PTPRT: variants seen among roughly 807,000 people sequenced by gnomAD.
PTPRT encodes receptor-type tyrosine-protein phosphatase T.
A neutral mutation model predicts 176.8 loss-of-function variants in PTPRT; 56 were observed. The ratio of observed to expected loss-of-function variants is 0.32; its 90% CI spans 0.26 to 0.40. PTPRT has a LOEUF of 0.40. Ranked by LOEUF, PTPRT falls within the 10% of genes least tolerant of loss-of-function variation. The probability of loss-of-function intolerance (pLI) is 1.00; values close to 1 mark genes in which losing one functional copy is unlikely to be tolerated. For synonymous variants in PTPRT, 783 were observed against 739.0 expected (o/e 1.06, Z -0.96); for missense variants, 1,540 against 1,908.2 (o/e 0.81, Z 3.60).
At chr20:42,380,061 A>G (rs186889804) in intron 9 of PTPRT, among the ~76,000 whole-genome samples, 2 of 152,186 alleles carry the variant, frequency 1.3e-5, no homozygotes, top group Admixed American at 6.5e-5. Flanking sequence ...CCCAAGGCCT[A>G]TAGAGTAAAC....
At position 43,026,419 on chromosome 20, in the gene PTPRT, G is replaced by T. The variant is rs541232561; in HGVS notation, c.89-140487C>A. ...GTGTTAGCCACCGAAGCCCAGCCTA[G>T]AGATAGAATTTTTCTAATTTTTAAT... On this transcript the variant is annotated intron_variant, in intron 1 of 30. Coordinates refer to ENST00000373187, the MANE Select transcript of PTPRT (RefSeq NM_007050.6). Among the ~76,000 whole-genome samples the T allele has an allele frequency of 2.6e-5, 4 of 152,138 alleles. No individual in the cohort carries two copies. The South Asian group carries it at 8.3e-4, about 32-fold the overall frequency.
intron 7 of PTPRT, among the ~76,000 whole-genome samples, chr20:42,576,103 G>C (rs553322239): frequency 3.9e-5 from 6 of 152,198 alleles, no homozygotes; most frequent in African/African-American, 1.4e-4. Flanking sequence ...ATTACACTAC[G>C]ATCCAGCTGG....
At chr20:42,219,622 G>A (rs1192652624) in intron 15 of PTPRT, among the ~76,000 whole-genome samples, 1 of 152,250 alleles carries the variant, frequency 6.6e-6, no homozygotes, top group Non-Finnish European at 1.5e-5. Context: ...CTGAGTGCTT[G>A]CTGGGTGCCA....
intron 7 of PTPRT, among the ~76,000 whole-genome samples, chr20:42,664,797 T>A (rs1305088219): frequency 6.6e-6 from 1 of 152,060 alleles, no homozygotes; most frequent in Middle Eastern, 3.2e-3. Flanking sequence ...ATGCCACATA[T>A]CTACAACTAT....
chr20:43,067,807 T>C (rs1259438266), intron 1 of PTPRT, among the ~76,000 whole-genome samples: 8 of 149,488 alleles, frequency 5.4e-5, no homozygotes, highest in Non-Finnish European at 1.2e-4. Flanking sequence ...TACATAAAAC[T>C]TTTTAAAAAA....
intron 7 of PTPRT, among the ~76,000 whole-genome samples, chr20:42,540,380 A>T (rs976904961): frequency 1.3e-5 from 2 of 152,156 alleles, no homozygotes; most frequent in African/African-American, 4.8e-5. Flanking sequence ...TGCACCTCCA[A>T]GACAAGGCAG....
chr20:42,452,021 A>G (rs1274713803), intron 8 of PTPRT, among the ~76,000 whole-genome samples: 1 of 152,222 alleles, frequency 6.6e-6, no homozygotes, highest in East Asian at 1.9e-4. Context: ...CTATAATCCC[A>G]GCACTTTGAG....
chr20:42,526,580 G>A (rs1055123256), intron 7 of PTPRT, among the ~76,000 whole-genome samples: 1 of 151,844 alleles, frequency 6.6e-6, no homozygotes, highest in East Asian at 1.9e-4. Context: ...TGATAAATTT[G>A]GTCCCAGTTT....
At chr20:42,123,461 A>G (rs1388878993) in intron 19 of PTPRT, among the ~76,000 whole-genome samples, 1 of 152,198 alleles carries the variant, frequency 6.6e-6, no homozygotes, top group Non-Finnish European at 1.5e-5. Flanking sequence ...AAGGCTACTA[A>G]TGGGAAGATG....
chr20:42,046,514 G>A, the PTPRT span, among the ~76,000 whole-genome samples: 3 of 152,198 alleles, frequency 2.0e-5, no homozygotes, highest in Non-Finnish European at 4.4e-5. Flanking sequence ...CCCAGGGCAG[G>A]AAGGAGCAGC....
intron 7 of PTPRT, among the ~76,000 whole-genome samples, chr20:42,629,993 T>C (rs190066945): frequency 6.6e-6 from 1 of 152,338 alleles, no homozygotes; most frequent in African/African-American, 2.4e-5. Flanking sequence ...CCTGTGAATA[T>C]GTTACCTTAC....
chr20:42,729,424 C>T (rs1385830662), intron 6 of PTPRT, among the ~76,000 whole-genome samples: 1 of 152,226 alleles, frequency 6.6e-6, no homozygotes, highest in Admixed American at 6.5e-5. Context: ...TTCTTTTCCA[C>T]TTGCCCGTGG....
intron 9 of PTPRT, among the ~76,000 whole-genome samples, chr20:42,407,753 AACTT>A (rs2058975504): frequency 1.3e-5 from 2 of 152,164 alleles, no homozygotes; most frequent in Non-Finnish European, 2.9e-5. Context: ...TGTGACTCTA[AACTT>A]AAAAAACTTG....
At chr20:42,462,381 G>A (rs1467705735) in intron 8 of PTPRT, among the ~76,000 whole-genome samples, 1 of 152,176 alleles carries the variant, frequency 6.6e-6, no homozygotes, top group Non-Finnish European at 1.5e-5. Context: ...CAGCAGCTAC[G>A]GAAGGAAAGA....
intron 16 of PTPRT, among the ~76,000 whole-genome samples, chr20:42,176,661 A>T (rs976610155): frequency 6.6e-6 from 1 of 152,238 alleles, no homozygotes; most frequent in South Asian, 2.1e-4. Context: ...TCTATCTCTC[A>T]TTCATAAAAA....
rs923124073 is a variant in PTPRT at position 42,118,585 on chromosome 20, T to G, written c.2885-85A>C. 4 of 1,109,564 alleles carry G rather than the reference T, an allele frequency of 3.6e-6. No individual in the cohort carries two copies. In the Admixed American group the frequency reaches 8.2e-5, roughly 23 times the overall value. The allele number at this position is 1,109,564 out of a possible 1,614,324, so 68.7% of individuals were successfully genotyped here. ...GTTTGTCCCCCCGGTTGGTCAAGTC[T>G]CCACACTGGTGAGCAGGAGTGAGGC... On this transcript the variant is annotated intron_variant, in intron 20 of 30. Transcript: ENST00000373187.
chr20:42,554,645 G>A (rs868700590), intron 7 of PTPRT, among the ~76,000 whole-genome samples: 8 of 152,080 alleles, frequency 5.3e-5, no homozygotes, highest in East Asian at 3.8e-4. Flanking sequence ...GGAACCACTC[G>A]CATTTTTGAT....
chr20:42,756,444 C>T lies in PTPRT; in HGVS notation c.859+18G>A. The T allele has an allele frequency of 6.6e-7, 1 of 1,515,250 alleles. No homozygotes were observed. The highest frequency in any genetic ancestry group is 8.9e-7 in the Non-Finnish European group (1 of 1,126,578). 93.9% of individuals were successfully genotyped at this position (1,515,250 alleles called of 1,614,324 possible). A position where few individuals can be genotyped will look rare whatever the true frequency, so the allele number is the denominator to read the frequency against. ...CCAACCTTCCATGGCAGTAGAGGCG[C>T]AGGCTGGAGGCACTCACCTTTCACG... is the stretch of plus-strand genomic sequence containing the variant. On this transcript the variant is annotated intron_variant, in intron 6 of 30. Coordinates refer to ENST00000373187, the MANE Select transcript of PTPRT (RefSeq NM_007050.6).
At chr20:42,875,698 G>A (rs1329642189) in intron 2 of PTPRT, among the ~76,000 whole-genome samples, 3 of 152,152 alleles carry the variant, frequency 2.0e-5, no homozygotes, top group Non-Finnish European at 2.9e-5. Context: ...AAAAAGAGAT[G>A]GATGACAGAA....
Sources: gnomAD v4.1 joint callset for allele counts (sites outside exome capture counted in the v4.1 genomes callset) on GRCh38, gnomAD v4.1.1 for gene constraint, MANE v1.5 for transcripts, NCBI Gene and HGNC (gene_info 2026-07-23, HGNC 2026-07-21) for gene names.